The following LAPTM5 variants were observed in gnomAD, a reference collection of about 807,000 sequenced individuals.
LAPTM5 encodes the protein lysosomal protein transmembrane 5, also known as lysosomal-associated transmembrane protein 5.
In LAPTM5, 11 loss-of-function variants were observed where a neutral mutation model predicts 30.1. The ratio of observed to expected loss-of-function variants is 0.37; its 90% CI spans 0.23 to 0.60. LAPTM5 has a LOEUF of 0.60. Ranked by LOEUF, LAPTM5 falls within the 20% of genes least tolerant of loss-of-function variation. The pLI is 0.71. For synonymous variants in LAPTM5, 151 were observed against 137.9 expected, an observed-to-expected ratio of 1.10 and a Z score of -0.67; for missense variants, 324 against 332.5, an observed-to-expected ratio of 0.97 and a Z score of 0.20.
intron 1 of LAPTM5, among the ~76,000 whole-genome samples, chr1:30,754,433 A>C (rs1640180772): frequency 6.6e-6 from 1 of 152,114 alleles, no homozygotes; most frequent in Admixed American, 6.6e-5. Flanking sequence ...CTACTCAGGA[A>C]GCTGAGGTGG....
chr1:30,748,421 CCAT>C (rs971771163), intron 1 of LAPTM5, among the ~76,000 whole-genome samples: 2 of 152,150 alleles, frequency 1.3e-5, no homozygotes, highest in Non-Finnish European at 2.9e-5. Context: ...CACACTTCTG[CCAT>C]CATCATTATT....
At chr1:30,756,374 C>T (rs1193578425) in intron 1 of LAPTM5, among the ~76,000 whole-genome samples, 1 of 152,202 alleles carries the variant, frequency 6.6e-6, no homozygotes, top group East Asian at 1.9e-4. Flanking sequence ...GTCTGATGCA[C>T]AACGAATAAT....
chr1:30,757,522 G>A (rs1040870906), intron 1 of LAPTM5, 137 bp downstream of exon 1: 1 of 888,312 alleles, frequency 1.1e-6, no homozygotes, highest in Non-Finnish European at 1.8e-6. Flanking sequence ...AGCAGGACAG[G>A]GATTTGCCCA....
Position 30,741,688 on chromosome 1 carries a change from G to A in LAPTM5, c.210C>T (p.Ile70=). 6.2e-7 allele frequency: 1 copy of A among 1,608,780 alleles called. No homozygotes were observed. Among genetic ancestry groups the A allele is most frequent in the Non-Finnish European group, 8.5e-7 (1 of 1,177,494 alleles). ...IADLISSFLL[I]TMLFIISLSL... ...TCAGGCTGATGATGAAGAGCATGGT[G>A]ATGAGCAGGAAGCTGGAGATCAGGT... The change falls in exon 3 of 8, where the codon ATC becomes ATT. Residue 70 remains isoleucine (I), a synonymous_variant. Coordinates refer to ENST00000294507, the MANE Select transcript of LAPTM5 (RefSeq NM_006762.3).
intron 1 of LAPTM5, among the ~76,000 whole-genome samples, chr1:30,750,803 T>C (rs1018475910): frequency 7.2e-5 from 11 of 152,188 alleles, no homozygotes; most frequent in South Asian, 2.1e-4. Context: ...GCAGCTGCCA[T>C]TTTTCCGGTG....
chr1:30,755,421 C>T (rs955358800), intron 1 of LAPTM5, among the ~76,000 whole-genome samples: 14 of 152,024 alleles, frequency 9.2e-5, no homozygotes, highest in Admixed American at 2.6e-4. Flanking sequence ...CCTTTATCAC[C>T]TCCTCCCCAA....
Position 30,742,463 on chromosome 1 carries a change from G to C in LAPTM5, c.174C>G (p.Leu58=). The change falls in exon 2 of 8, where the codon CTC becomes CTG. Residue 58 remains leucine, a synonymous_variant. Transcript: ENST00000294507. ...ASCKLSQMGY[L]RIADLISSFL... ...GGCGTCCCCTGGACCTACCGATCCT[G>C]AGGTAGCCCATCTGGGAGAGCTTGC... 1 of 1,612,648 alleles carries C rather than the reference G, an allele frequency of 6.2e-7. No individual in the cohort carries two copies. The highest frequency in any genetic ancestry group is 8.5e-7 in the Non-Finnish European group (1 of 1,179,322).
intron 5 of LAPTM5, among the ~76,000 whole-genome samples, chr1:30,738,261 G>A (rs527799924): frequency 1.7e-4 from 26 of 152,352 alleles, no homozygotes; most frequent in African/African-American, 5.5e-4. Flanking sequence ...GAATGTGGCA[G>A]AAGTGATAGA....
intron 1 of LAPTM5, among the ~76,000 whole-genome samples, chr1:30,743,456 A>G (rs1639999634): frequency 6.6e-6 from 1 of 152,192 alleles, no homozygotes; most frequent in African/African-American, 2.4e-5. Context: ...AGTTTTAAAG[A>G]ACCTTGGAGG....
In LAPTM5 at chr1:30,746,443, T is replaced by C. The variant is rs1204820232; in HGVS notation, c.88-3894A>G. ...TACAGAGTATGCAGACAGTCAACAT[T>C]TCCAAGCCTCCAAGCCCTTGCCTTC... On this transcript the variant is annotated intron_variant, in intron 1 of 7. Transcript: ENST00000294507. The surrounding 1 kb of genome is among the most constrained non-coding windows in gnomAD (Gnocchi z 4.0). Among the ~76,000 whole-genome samples, 1 of 152,014 alleles carries C rather than the reference T, an allele frequency of 6.6e-6. No individual in the cohort carries two copies. The highest frequency in any genetic ancestry group is 2.1e-4 in the South Asian group (1 of 4,826).
At chr1:30,749,019 C>A (rs1466195935) in intron 1 of LAPTM5, among the ~76,000 whole-genome samples, 1 of 152,218 alleles carries the variant, frequency 6.6e-6, no homozygotes, top group Non-Finnish European at 1.5e-5. Context: ...GCACAGGTGC[C>A]TGTGTGTGGA....
intron 6 of LAPTM5, among the ~76,000 whole-genome samples, chr1:30,736,943 C>T (rs1205824880): frequency 6.6e-6 from 1 of 152,152 alleles, no homozygotes; most frequent in African/African-American, 2.4e-5. Context: ...CTTGAGTCCT[C>T]TATTTTCCAT....
chr1:30,733,423 C>T lies in LAPTM5; in HGVS notation c.*405G>A. Reference sequence around the variant, plus strand: ...ACTGACAACTATTTATAAATCAATGCAATAGACTGTTGTTTGACCAAATTA... The same window carrying T: ...ACTGACAACTATTTATAAATCAATGTAATAGACTGTTGTTTGACCAAATTA... On this transcript the variant is annotated 3_prime_UTR_variant, in exon 8 of 8. Transcript: ENST00000294507. 2.4e-6 allele frequency: 2 copies of T among 839,302 alleles called. No individual in the cohort carries two copies. The highest frequency in any genetic ancestry group is 3.3e-6 in the Non-Finnish European group (2 of 613,478). 52.0% of individuals were successfully genotyped at this position (839,302 alleles called of 1,614,324 possible).
At position 30,746,383 on chromosome 1, in the gene LAPTM5, G is replaced by A. The variant is rs1383245387; in HGVS notation, c.88-3834C>T. On this transcript the variant is annotated intron_variant, in intron 1 of 7. Coordinates refer to ENST00000294507, the MANE Select transcript of LAPTM5 (RefSeq NM_006762.3). This position sits in a 1 kb window ranked among gnomAD's most constrained non-coding sequence, Gnocchi z 4.0. ...GCCCCACCCATGTCCCTAACCAACAGCTGTTGGTAGTTCCTGGAAAGTACC... is the reference window on the plus strand; with the variant it reads ...GCCCCACCCATGTCCCTAACCAACAACTGTTGGTAGTTCCTGGAAAGTACC... Among the ~76,000 whole-genome samples, 1 of 152,068 alleles carries A rather than the reference G, an allele frequency of 6.6e-6. No homozygotes were observed. Among genetic ancestry groups the A allele is most frequent in the Non-Finnish European group, 1.5e-5 (1 of 68,020 alleles).
intron 3 of LAPTM5, 24 bp downstream of exon 3, chr1:30,741,616 G>A: frequency 3.2e-6 from 5 of 1,556,008 alleles, no homozygotes; most frequent in East Asian, 2.3e-5. Context: ...GGGGCAGGGG[G>A]CAGCGGGGCT....
At chr1:30,734,308 G>A (rs1639857041) in intron 7 of LAPTM5, among the ~76,000 whole-genome samples, 1 of 152,118 alleles carries the variant, frequency 6.6e-6, no homozygotes, top group African/African-American at 2.4e-5. Flanking sequence ...ATAGGCACGT[G>A]GCCCAAGTTG....
chr1:30,733,790 C>T lies in LAPTM5; in HGVS notation c.*38G>A, dbSNP rs3795438. ...CAAAAAAGCAGATTATGAGGCAGCT[C>T]CACCCCTCCCAGCACTGGGGCTGGG... On this transcript the variant is annotated 3_prime_UTR_variant, in exon 8 of 8. Coordinates refer to ENST00000294507, the MANE Select transcript of LAPTM5 (RefSeq NM_006762.3). The T allele has an allele frequency of 0.23, 368,032 of 1,589,694 alleles. 46,042 individuals carry two copies. The highest frequency in any genetic ancestry group is 0.26 in the Non-Finnish European group (304,294 of 1,170,418).
Position 30,749,274 on chromosome 1 carries a change from C to T in LAPTM5, c.88-6725G>A, listed in dbSNP as rs142775655. Among the ~76,000 whole-genome samples, 329 of 152,244 alleles carry T rather than the reference C, an allele frequency of 2.2e-3. 2 individuals are homozygous for T. The highest frequency in any genetic ancestry group is 0.01 in the East Asian group (52 of 5,172). On this transcript the variant is annotated intron_variant, in intron 1 of 7. Transcript: ENST00000294507. ...CACGCGCTGCAGAATTTCATTTCTA[C>T]GTAATTCTACAGATGTATGTATTAT... is the stretch of plus-strand genomic sequence containing the variant.
intron 1 of LAPTM5, among the ~76,000 whole-genome samples, chr1:30,747,257 G>A (rs1165314201): frequency 6.6e-6 from 1 of 152,200 alleles, no homozygotes; most frequent in East Asian, 1.9e-4. Flanking sequence ...AGGCCTGGTG[G>A]TGCAGGTGTG....
Sources: allele counts gnomAD v4.1 joint callset (sites outside exome capture counted in the v4.1 genomes callset), GRCh38; gene constraint gnomAD v4.1.1; non-coding constraint Gnocchi (gnomAD v3.1); transcripts MANE v1.5; gene names NCBI Gene and HGNC (gene_info 2026-07-23, HGNC 2026-07-21).